The following SYNE1 variants were observed in gnomAD, a reference collection of about 807,000 sequenced individuals.
SYNE1 encodes nesprin-1.
SYNE1 carries 616 observed loss-of-function variants against 1,111.0 expected under a neutral mutation model. The ratio of observed to expected loss-of-function variants is 0.55; its 90% confidence interval spans 0.52 to 0.59. The LOEUF (loss-of-function observed/expected upper bound fraction) is 0.59. SYNE1 is among the 20% of genes least tolerant of loss of function. SYNE1 has a pLI of 0.00. For missense variants in SYNE1, 10,006 were observed against 10,417.0 expected, an observed-to-expected ratio of 0.96 and a Z score of 1.72; for synonymous variants, 3,855 against 3,825.8, an observed-to-expected ratio of 1.01 and a Z score of -0.28.
At position 152,391,581 on chromosome 6, in the gene SYNE1, A is replaced by AAAAAAAG. The variant is rs1554611314; in HGVS notation, c.7713-14_7713-13insCTTTTTT. 6.8e-6 allele frequency: 4 copies of AAAAAAAG among 585,012 alleles called. 1 individual carries two copies. Among genetic ancestry groups the AAAAAAAG allele is most frequent in the East Asian group, 7.8e-5 (2 of 25,576 alleles). 36.2% of individuals were successfully genotyped at this position (585,012 alleles called of 1,614,324 possible). On this transcript the variant is annotated splice_polypyrimidine_tract_variant and intron_variant, in intron 51 of 145. Transcript: ENST00000367255. ...ATCAAGAGACTCTCTGAAAAAAAGG[A>AAAAAAAG]AAAAAAAAAAAAAGAAAAAAAATTA...
chr6:152,592,604 G>A (rs1318483272), intron 3 of SYNE1, among the ~76,000 whole-genome samples: 2 of 152,094 alleles, frequency 1.3e-5, no homozygotes, highest in African/African-American at 2.4e-5. Flanking sequence ...CTGTCCATGG[G>A]GTACTATGTT....
rs2060518254 is a variant in SYNE1, at chr6:152,152,062, T to C, written c.24209A>G (p.Asn8070Ser). The C allele has an allele frequency of 6.8e-6, 11 of 1,614,036 alleles. No individual in the cohort carries two copies. The highest frequency in any genetic ancestry group is 9.3e-6 in the Non-Finnish European group (11 of 1,180,050). Residue 8070 changes from asparagine (N) to serine (S), a missense_variant, in exon 134 of 146, where the codon AAC (asparagine) becomes AGC (serine). Coordinates refer to ENST00000367255, the MANE Select transcript of SYNE1 (RefSeq NM_182961.4). ...NKQYRRLARENRTDSACSLKQ... is the reference protein window; with the variant it reads ...NKQYRRLARESRTDSACSLKQ... ...GAGGCTACATGCTGAATCAGTGCGG[T>C]TCTCCCTGGCCAGGCGGCGGTACTG... is the stretch of plus-strand genomic sequence containing the variant.
chr6:152,195,690 C>T (rs185246837), intron 127 of SYNE1, among the ~76,000 whole-genome samples: 1 of 152,320 alleles, frequency 6.6e-6, no homozygotes, highest in Admixed American at 6.5e-5. Flanking sequence ...TTCCCTGGTA[C>T]TGGTGGAGAG....
intron 56 of SYNE1, 78 bp downstream of exon 56, chr6:152,380,928 T>C: frequency 1.8e-6 from 2 of 1,118,886 alleles, no homozygotes; most frequent in Non-Finnish European, 2.6e-6. Flanking sequence ...GTTAGCAAGA[T>C]TTTTTTTTTA....
chr6:152,416,433 C>T lies in SYNE1; in HGVS notation c.6004G>A (p.Asp2002Asn). The part of the protein sequence containing the change: ...KSIEDIEERT[D>N]KERLKEPTRQ... ...GTAGGTTCTTTCAATCGCTCTTTGT[C>T]AGTCCTTTCTTCAATGTCCTCAATG... Residue 2002 changes from aspartate to asparagine, a missense_variant, in exon 41 of 146, where the codon GAC (aspartate) becomes AAC (asparagine). By Grantham distance (23) the Asp-to-Asn change is conservative. Coordinates refer to ENST00000367255, the MANE Select transcript of SYNE1 (RefSeq NM_182961.4). 6.2e-7 allele frequency: 1 copy of T among 1,614,124 alleles called. No homozygotes were observed. The highest frequency in any genetic ancestry group is 8.5e-7 in the Non-Finnish European group (1 of 1,180,036).
chr6:152,455,841 G>T lies in SYNE1; in HGVS notation c.2727+45C>A, dbSNP rs1488873141. 6.2e-6 allele frequency: 10 copies of T among 1,612,732 alleles called. No individual in the cohort carries two copies. In the Admixed American group the frequency reaches 1.3e-4, roughly 22 times the overall value. On this transcript the variant is annotated intron_variant, in intron 23 of 145. Coordinates refer to ENST00000367255, the MANE Select transcript of SYNE1 (RefSeq NM_182961.4). ...AGTGATGGTTTCTTGTCCTCACTCT[G>T]CATTTTCCCTGGCTCACAGCTCTAA...
intron 2 of SYNE1, among the ~76,000 whole-genome samples, chr6:152,628,960 C>T (rs1456410366): frequency 1.3e-5 from 2 of 152,066 alleles, no homozygotes; most frequent in African/African-American, 2.4e-5. Flanking sequence ...TGCTCTGTTG[C>T]GTTGTACTCT....
At chr6:152,140,836 A>G (rs1260918018) in intron 139 of SYNE1, among the ~76,000 whole-genome samples, 2 of 151,880 alleles carry the variant, frequency 1.3e-5, no homozygotes, top group African/African-American at 4.8e-5. Context: ...GATGGAGACC[A>G]TCCTGGCTAA....
Position 152,381,133 on chromosome 6 carries a change from T to A in SYNE1, c.8882A>T (p.Gln2961Leu), listed in dbSNP as rs1366579684. The A allele has an allele frequency of 6.2e-7, 1 of 1,614,202 alleles. No individual in the cohort carries two copies. The stretch of plus-strand genomic sequence containing the variant: ...CAGGGCCTGCTCCAGTTGAGCCACT[T>A]GGCCTGAGAATTCCTGCTCCGAAAG... ...MALSEQEFSG[Q>L]VAQLEQALEQ... Residue 2961 changes from glutamine (Q) to leucine (L), a missense_variant, in exon 56 of 146, where the codon CAA (glutamine) becomes CTA (leucine). Gln to Leu is a moderately radical substitution (Grantham distance 113). This residue lies in a region of SYNE1 where 4,955 missense variants were observed against 5,017.2 expected (regional missense o/e 0.99). Transcript: ENST00000367255.
intron 22 of SYNE1, among the ~76,000 whole-genome samples, chr6:152,458,245 C>G (rs1378503256): frequency 1.3e-5 from 2 of 152,054 alleles, no homozygotes; most frequent in Non-Finnish European, 2.9e-5. Context: ...ATTATGGGTA[C>G]CCTTAATGTT....
intron 124 of SYNE1, among the ~76,000 whole-genome samples, chr6:152,209,447 C>T (rs1391508990): frequency 3.9e-5 from 6 of 152,220 alleles, no homozygotes; most frequent in African/African-American, 1.4e-4. Context: ...GCCCTCTCAT[C>T]TTAAAAATAG....
intron 45 of SYNE1, chr6:152,404,859 A>G (rs1380025729): frequency 1.3e-5 from 2 of 152,786 alleles, no homozygotes; most frequent in Non-Finnish European, 2.9e-5. Context: ...CAGTAACATA[A>G]AGAAGAGGAA....
intron 59 of SYNE1, among the ~76,000 whole-genome samples, chr6:152,371,209 T>G (rs1287486148): frequency 6.6e-6 from 1 of 152,030 alleles, no homozygotes; most frequent in African/African-American, 2.4e-5. Flanking sequence ...ATAATCCCCA[T>G]GTGTCTTGGG....
intron 73 of SYNE1, among the ~76,000 whole-genome samples, chr6:152,345,004 C>CATTG (rs2096605765): frequency 1.3e-5 from 2 of 152,280 alleles, no homozygotes; most frequent in South Asian, 4.1e-4. Flanking sequence ...TAGAAGCAAT[C>CATTG]ATTGAATTCT....
intron 137 of SYNE1, chr6:152,147,359 G>A (rs544856659): frequency 6.6e-6 from 1 of 152,318 alleles, no homozygotes; most frequent in Admixed American, 6.5e-5. Context: ...ATGAAAATCT[G>A]CACATCCCTG....
intron 100 of SYNE1, among the ~76,000 whole-genome samples, chr6:152,265,052 C>T (rs184994304): frequency 5.0e-4 from 76 of 151,410 alleles, no homozygotes; most frequent in Admixed American, 9.2e-4. Flanking sequence ...CTACTGAAAA[C>T]ACAATTAGCC....
chr6:152,183,654 C>T (rs1185616154), intron 128 of SYNE1, among the ~76,000 whole-genome samples: 1 of 152,118 alleles, frequency 6.6e-6, no homozygotes, highest in Non-Finnish European at 1.5e-5. Flanking sequence ...CAAGTAACTC[C>T]TTACACTGCC....
rs2095865087 is a variant in SYNE1 at position 152,321,340 on chromosome 6, T to C, written c.16134A>G (p.Ala5378=). ...TNHRQNIEKM[A]EEQKEKYLGL... Reference sequence around the variant, plus strand: ...CTAAGTACTTCTCCTTCTGTTCTTCTGCCATTTTTTCAATGTTCTGTCGGT... The same window carrying C: ...CTAAGTACTTCTCCTTCTGTTCTTCCGCCATTTTTTCAATGTTCTGTCGGT... The change falls in exon 84 of 146, where the codon GCA becomes GCG. Residue 5378 remains alanine, a synonymous_variant. Coordinates refer to ENST00000367255, the MANE Select transcript of SYNE1 (RefSeq NM_182961.4). 2 of 1,613,812 alleles carry C rather than the reference T, an allele frequency of 1.2e-6. No individual in the cohort carries two copies. Among genetic ancestry groups the C allele is most frequent in the Admixed American group, 1.7e-5 (1 of 60,002 alleles).
intron 3 of SYNE1, among the ~76,000 whole-genome samples, chr6:152,607,073 C>T (rs2128740899): frequency 6.7e-6 from 1 of 148,414 alleles, no homozygotes; most frequent in South Asian, 2.1e-4. Context: ...CAAGCTCCAC[C>T]TCCCGGGTTC....
Sources: allele counts gnomAD v4.1 joint callset (sites outside exome capture counted in the v4.1 genomes callset), GRCh38; gene constraint gnomAD v4.1.1; regional missense constraint gnomAD v4.1.1; transcripts MANE v1.5; gene names NCBI Gene and HGNC (gene_info 2026-07-23, HGNC 2026-07-21).